The following KDM2A variants were observed in gnomAD, a reference collection of about 807,000 sequenced individuals.
KDM2A encodes lysine demethylase 2A, also known as lysine-specific demethylase 2A.
Under a neutral mutation model 137.3 loss-of-function variants are expected in KDM2A, and 3 were observed. The ratio of observed to expected loss-of-function variants is 0.02; its 90% confidence interval spans 0.01 to 0.06. The LOEUF is 0.06. KDM2A is among the 10% of genes least tolerant of loss of function. The probability of loss-of-function intolerance (pLI) is 1.00; values close to 1 mark genes in which losing one functional copy is unlikely to be tolerated. For synonymous variants in KDM2A, 512 were observed against 541.5 expected (o/e 0.95, Z 0.76); for missense variants, 738 against 1,510.6 (o/e 0.49, Z 8.48).
chr11:67,120,127 C>G (rs1443749818), intron 1 of KDM2A, 78 bp downstream of exon 1: 1 of 152,096 alleles, frequency 6.6e-6, no homozygotes. Flanking sequence ...AAGTTTCTAT[C>G]TCTTTTTCCG....
intron 2 of KDM2A, among the ~76,000 whole-genome samples, chr11:67,169,710 T>C (rs1856832441): frequency 6.8e-6 from 1 of 147,964 alleles, no homozygotes; most frequent in African/African-American, 2.4e-5. Context: ...CTTTTTTCTT[T>C]TTTCTTCTCT....
At chr11:67,223,309 A>G (rs990961635) in intron 10 of KDM2A, among the ~76,000 whole-genome samples, 1 of 152,158 alleles carries the variant, frequency 6.6e-6, no homozygotes, top group African/African-American at 2.4e-5. Context: ...CTTGGCTATA[A>G]TTAATACAGT....
At chr11:67,223,598 C>T (rs778691122) in intron 10 of KDM2A, among the ~76,000 whole-genome samples, 2 of 151,838 alleles carry the variant, frequency 1.3e-5, no homozygotes, top group Admixed American at 6.6e-5. Flanking sequence ...TTTGTAGAAA[C>T]GAGGTTTTAC....
chr11:67,210,952 G>C (rs1342497632), intron 6 of KDM2A, among the ~76,000 whole-genome samples: 2 of 152,266 alleles, frequency 1.3e-5, no homozygotes, highest in East Asian at 3.9e-4. Context: ...GACCACTCGG[G>C]AGGCTGAGGT....
chr11:67,157,238 G>A (rs1174475593), intron 2 of KDM2A, among the ~76,000 whole-genome samples: 2 of 150,818 alleles, frequency 1.3e-5, no homozygotes, highest in East Asian at 2.0e-4. Flanking sequence ...GCATGAACCC[G>A]GGAGGCGGAG....
chr11:67,127,747 G>A (rs1590703115), intron 2 of KDM2A, among the ~76,000 whole-genome samples: 1 of 151,868 alleles, frequency 6.6e-6, no homozygotes, highest in Non-Finnish European at 1.5e-5. Flanking sequence ...TGCTCTTGTT[G>A]CCGAGGCTGG....
chr11:67,196,436 G>A, intron 5 of KDM2A: 1 of 456,060 alleles, frequency 2.2e-6, no homozygotes, highest in Non-Finnish European at 4.4e-6. Flanking sequence ...CACAGTGCTT[G>A]GCTGAATGAT....
chr11:67,252,396 T>TG (rs1447272854), intron 17 of KDM2A: 1 of 401,740 alleles, frequency 2.5e-6, no homozygotes, highest in African/African-American at 2.0e-5. Context: ...TATAGACTGT[T>TG]GCTTGCTATG....
In KDM2A at chr11:67,195,737, G is replaced by A. The variant is rs1857464164; in HGVS notation, c.308-11773G>A. The A allele has an allele frequency of 2.2e-5, 4 of 180,362 alleles. No individual in the cohort carries two copies. The South Asian group carries it at 3.8e-4, about 17-fold the overall frequency. The allele number at this position is 180,362 out of a possible 1,614,324, so 11.2% of individuals were successfully genotyped here. A position where few individuals can be genotyped will look rare whatever the true frequency, so the allele number is the denominator to read the frequency against. ...TTTCTGTTAGAACTTTAGTTATATT[G>A]TACTTATATTCAGTAAAGAAAATAC... On this transcript the variant is annotated intron_variant, in intron 5 of 20. Coordinates refer to ENST00000529006, the MANE Select transcript of KDM2A (RefSeq NM_012308.3).
intron 2 of KDM2A, among the ~76,000 whole-genome samples, chr11:67,129,906 CAA>C (rs35153256): frequency 0.049 from 6,894 of 139,804 alleles, 211 homozygotes; most frequent in Non-Finnish European, 0.078. Context: ...GACTCTGTCT[CAA>C]AAAAAAAAAT....
chr11:67,135,890 A>G (rs997717413), intron 2 of KDM2A, among the ~76,000 whole-genome samples: 1 of 152,116 alleles, frequency 6.6e-6, no homozygotes, highest in African/African-American at 2.4e-5. Context: ...AGAACTATGA[A>G]CTGATGTTTC....
At chr11:67,169,924 A>T (rs1856841804) in intron 2 of KDM2A, among the ~76,000 whole-genome samples, 1 of 150,692 alleles carries the variant, frequency 6.6e-6, no homozygotes, top group African/African-American at 2.4e-5. Context: ...TGGCAGGCTA[A>T]TTTTTGTATT....
chr11:67,158,084 T>C (rs1386797907), intron 2 of KDM2A, among the ~76,000 whole-genome samples: 1 of 152,158 alleles, frequency 6.6e-6, no homozygotes, highest in Admixed American at 6.6e-5. Context: ...AAAAATCTAC[T>C]GTGCACCACT....
rs575260595 is a variant in KDM2A at position 67,214,144 on chromosome 11, G to A, written c.487-1196G>A. The stretch of plus-strand genomic sequence containing the variant: ...GAACCTCCACCTCCTGGGTTCAAGC[G>A]ATTCTCCTGCCTCAGCCTCCCAAGT... On this transcript the variant is annotated intron_variant, in intron 6 of 20. Transcript: ENST00000529006. 2.1e-3 allele frequency among the ~76,000 whole-genome samples: 310 copies of A among 150,424 alleles called. 2 individuals carry two copies. Among genetic ancestry groups the A allele is most frequent in the African/African-American group, 7.3e-3 (298 of 40,896 alleles).
At position 67,245,228 on chromosome 11, in the gene KDM2A, A is replaced by C. The variant is rs774161687; in HGVS notation, c.1603A>C (p.Ile535Leu). 1.2e-6 allele frequency: 2 copies of C among 1,613,998 alleles called. No homozygotes were observed. The highest frequency in any genetic ancestry group is 3.3e-5 in the Admixed American group (2 of 60,020). ...PTRPKVRVPT[I>L]PITKPHTMKP... ...TCGGCCAAAGGTGCGGGTTCCTACCATCCCCATTACGAAGCCTCACACTAT... is the reference window on the plus strand; with the variant it reads ...TCGGCCAAAGGTGCGGGTTCCTACCCTCCCCATTACGAAGCCTCACACTAT... Residue 535 changes from isoleucine (I) to leucine (L), a missense_variant, in exon 14 of 21, where the codon ATC becomes CTC. This residue lies in a region of KDM2A where 71 missense variants were observed against 147.9 expected (regional missense o/e 0.48). Transcript: ENST00000529006. The surrounding 1 kb of genome is among the most constrained non-coding windows in gnomAD (Gnocchi z 4.1).
At chr11:67,221,408 C>T (rs1398213429) in intron 10 of KDM2A, among the ~76,000 whole-genome samples, 3 of 152,090 alleles carry the variant, frequency 2.0e-5, no homozygotes, top group Non-Finnish European at 4.4e-5. Flanking sequence ...TTTAAAATAA[C>T]AATTAATGAA....
chr11:67,242,781 G>C (rs1050081466), intron 12 of KDM2A, among the ~76,000 whole-genome samples: 1 of 152,144 alleles, frequency 6.6e-6, no homozygotes, highest in Non-Finnish European at 1.5e-5. Flanking sequence ...ACTGTGCCCA[G>C]CCTCAAAGTT....
intron 2 of KDM2A, among the ~76,000 whole-genome samples, chr11:67,170,536 C>CT (rs749576639): frequency 2.5e-4 from 38 of 151,632 alleles, no homozygotes; most frequent in Non-Finnish European, 3.8e-4. Flanking sequence ...CCTGAGCCTC[C>CT]CGAGTAGCTG....
At chr11:67,152,957 C>G (rs1856429133) in intron 2 of KDM2A, among the ~76,000 whole-genome samples, 1 of 133,848 alleles carries the variant, frequency 7.5e-6, no homozygotes, top group African/African-American at 2.8e-5. Flanking sequence ...TGTGTGTTTT[C>G]AGGAATTCCT....
Sources: gnomAD v4.1 joint callset for allele counts (sites outside exome capture counted in the v4.1 genomes callset) on GRCh38, gnomAD v4.1.1 for gene constraint, gnomAD v4.1.1 regional missense constraint, Gnocchi (gnomAD v3.1) non-coding constraint, MANE v1.5 for transcripts, NCBI Gene and HGNC (gene_info 2026-07-23, HGNC 2026-07-21) for gene names.